Variants in USP14 observed in about 807,000 individuals in gnomAD.
USP14 encodes ubiquitin carboxyl-terminal hydrolase 14.
In USP14, 38 loss-of-function variants were observed where a neutral mutation model predicts 76.5. The ratio of observed to expected loss-of-function variants is 0.50; its 90% confidence interval spans 0.38 to 0.65. The LOEUF (loss-of-function observed/expected upper bound fraction) is 0.65, where lower values mean the gene tolerates loss of function less well. Among genes scored for constraint, USP14 ranks in the 30% least tolerant of loss-of-function variants. The pLI is 0.00. For synonymous variants in USP14, 192 were observed against 191.7 expected (o/e 1.00, Z -0.01); for missense variants, 467 against 586.5 (o/e 0.80, Z 2.10).
chr18:180,418 T>A, intron 5 of USP14, 79 bp downstream of exon 5: 1 of 814,352 alleles, frequency 1.2e-6, no homozygotes, highest in African/African-American at 1.8e-5. Context: ...TTCTTTAGCA[T>A]CTTAATTGAG....
At chr18:187,987 G>C (rs1448991164) in intron 5 of USP14, among the ~76,000 whole-genome samples, 1 of 151,972 alleles carries the variant, frequency 6.6e-6, no homozygotes, top group Non-Finnish European at 1.5e-5. Flanking sequence ...GGTTATTTTT[G>C]TCTGTTTCAG....
rs1910781972 is a variant in USP14 at position 214,319 on chromosome 18, C to G, written c.*3035C>G. 4.4e-6 allele frequency: 1 copy of G among 228,640 alleles called. No individual in the cohort carries two copies. The highest frequency in any genetic ancestry group is 8.5e-6 in the Non-Finnish European group (1 of 117,256). The allele number at this position is 228,640 out of a possible 1,614,324, so 14.2% of individuals were successfully genotyped here. The stretch of plus-strand genomic sequence containing the variant: ...CTACTAACAAACAACACACAGGAAA[C>G]TAATTTGGTATAAGAAACGACATAT... On this transcript the variant is annotated 3_prime_UTR_variant, in exon 16 of 16. Transcript: ENST00000261601.
At chr18:166,749 A>G in intron 2 of USP14, 38 bp from the exon 3 acceptor site, 4 of 1,600,864 alleles carry the variant, frequency 2.5e-6, no homozygotes, top group Non-Finnish European at 3.4e-6. Flanking sequence ...CAGCTTGTAC[A>G]GTGGTGGTTA....
chr18:166,662 T>A (rs1909280282), intron 2 of USP14, 125 bp from the exon 3 acceptor site: 2 of 1,210,852 alleles, frequency 1.7e-6, no homozygotes, highest in South Asian at 1.9e-5. Context: ...GCCATAATTT[T>A]AAATAAAATC....
chr18:186,183 T>C (rs1193100352), intron 5 of USP14, among the ~76,000 whole-genome samples: 3 of 152,226 alleles, frequency 2.0e-5, no homozygotes, highest in African/African-American at 7.2e-5. Context: ...TGCCCTGGGC[T>C]GGATGTGATG....
Position 212,686 on chromosome 18 carries a change from A to C in USP14, c.*1402A>C, listed in dbSNP as rs1277979178. On this transcript the variant is annotated 3_prime_UTR_variant, in exon 16 of 16. Coordinates refer to ENST00000261601, the MANE Select transcript of USP14 (RefSeq NM_005151.4). ...AAAGTGATAGTAGAAAATACCAAGC[A>C]TATGAGGTATTTCAATATGATAGGC... 1 of 152,196 alleles carries C rather than the reference A, an allele frequency of 6.6e-6. No homozygotes were observed. The highest frequency in any genetic ancestry group is 1.5e-5 in the Non-Finnish European group (1 of 68,026). 9.4% of individuals were successfully genotyped at this position (152,196 alleles called of 1,614,324 possible). A position where few individuals can be genotyped will look rare whatever the true frequency, so the allele number is the denominator to read the frequency against.
At chr18:188,262 T>C (rs1382277965) in intron 5 of USP14, among the ~76,000 whole-genome samples, 1 of 152,176 alleles carries the variant, frequency 6.6e-6, no homozygotes, top group Non-Finnish European at 1.5e-5. Flanking sequence ...TGGAGGTTTT[T>C]TAAAAATAAG....
chr18:165,375 C>T (rs1029357690), intron 2 of USP14, among the ~76,000 whole-genome samples: 3 of 152,172 alleles, frequency 2.0e-5, no homozygotes, highest in East Asian at 3.8e-4. Flanking sequence ...GTAAAACACA[C>T]GTTGGAGGAA....
In USP14 at chr18:176,312, G is replaced by A. The variant is rs537582069; in HGVS notation, c.196-2621G>A. Among the ~76,000 whole-genome samples the A allele has an allele frequency of 1.8e-4, 28 of 152,154 alleles. 1 individual carries two copies. In the South Asian group the frequency reaches 3.7e-3, roughly 20 times the overall value. ...TGAAGTGCTGAAACCCAGGCAAATG[G>A]TGGTGACTTTTTTGGTTTGTTTTAG... On this transcript the variant is annotated intron_variant, in intron 3 of 15. Transcript: ENST00000261601.
intron 3 of USP14, among the ~76,000 whole-genome samples, chr18:174,936 G>A (rs987903742): frequency 2.0e-5 from 3 of 151,798 alleles, no homozygotes; most frequent in South Asian, 2.1e-4. Context: ...CCACCACGCC[G>A]GACTAATTTT....
chr18:175,447 C>T (rs1368777294), intron 3 of USP14, among the ~76,000 whole-genome samples: 2 of 152,128 alleles, frequency 1.3e-5, no homozygotes, highest in African/African-American at 4.8e-5. Flanking sequence ...GGTTTTGTCA[C>T]GAATGGAAGT....
chr18:196,228 C>T (rs542819879), intron 6 of USP14, among the ~76,000 whole-genome samples: 79 of 151,780 alleles, frequency 5.2e-4, no homozygotes, highest in Non-Finnish European at 8.5e-4. Flanking sequence ...GGAGGCCCTT[C>T]TGTGTTCAAG....
chr18:198,805 G>T (rs1910311873), intron 9 of USP14, among the ~76,000 whole-genome samples: 1 of 151,944 alleles, frequency 6.6e-6, no homozygotes, highest in African/African-American at 2.4e-5. Context: ...TTTTATAAAA[G>T]GGTGTGTATC....
At chr18:177,422 TAAAAAAAA>T (rs550087165) in intron 3 of USP14, among the ~76,000 whole-genome samples, 1 of 108,660 alleles carries the variant, frequency 9.2e-6, no homozygotes, top group African/African-American at 3.4e-5. Flanking sequence ...TCCCTGTCTC[TAAAAAAAA>T]AAAAAAAAAA....
At chr18:202,461 C>G (rs962137506) in intron 10 of USP14, among the ~76,000 whole-genome samples, 2 of 152,144 alleles carry the variant, frequency 1.3e-5, no homozygotes, top group Non-Finnish European at 2.9e-5. Flanking sequence ...TTCATTGGTG[C>G]TGATTGGCTT....
At chr18:166,946 C>A (rs1909289592) in intron 3 of USP14, 127 bp downstream of exon 3, 2 of 779,376 alleles carry the variant, frequency 2.6e-6, no homozygotes, top group Middle Eastern at 2.5e-4. Flanking sequence ...AAAATACTTA[C>A]CTTTTCCCAT....
rs970389911 is a variant in USP14 at position 213,493 on chromosome 18, T to G, written c.*2209T>G. ...TTAGAATTCAGCCTTGCCTGTAAGGTCTTTGAGAAGGGAGAGGAGTAGGCC... is the reference window on the plus strand; with the variant it reads ...TTAGAATTCAGCCTTGCCTGTAAGGGCTTTGAGAAGGGAGAGGAGTAGGCC... On this transcript the variant is annotated 3_prime_UTR_variant, in exon 16 of 16. Coordinates refer to ENST00000261601, the MANE Select transcript of USP14 (RefSeq NM_005151.4). 4.6e-5 allele frequency: 7 copies of G among 152,408 alleles called. No homozygotes were observed. Among genetic ancestry groups the G allele is most frequent in the African/African-American group, 1.7e-4 (7 of 41,374 alleles). The allele number at this position is 152,408 out of a possible 1,614,324, so 9.4% of individuals were successfully genotyped here.
chr18:214,591 T>TATC lies in USP14; in HGVS notation c.*3309_*3311dup, dbSNP rs759421947. On this transcript the variant is annotated 3_prime_UTR_variant, in exon 16 of 16. Coordinates refer to ENST00000261601, the MANE Select transcript of USP14 (RefSeq NM_005151.4). ...TCAAATGCTGCTTGGTAACAAAATC[T>TATC]ATCACAGTTTTAATAAAAAGAAAAA... 4.5e-6 allele frequency: 7 copies of TATC among 1,544,662 alleles called. No homozygotes were observed. In the Admixed American group the frequency reaches 7.6e-5, roughly 17 times the overall value.
chr18:180,407 T>C, intron 5 of USP14, 68 bp downstream of exon 5: 1 of 930,184 alleles, frequency 1.1e-6, no homozygotes, highest in Non-Finnish European at 1.7e-6. Flanking sequence ...TTTGTTTTGC[T>C]TTCTTTAGCA....
Sources: allele counts gnomAD v4.1 joint callset (sites outside exome capture counted in the v4.1 genomes callset), GRCh38; gene constraint gnomAD v4.1.1; transcripts MANE v1.5; gene names NCBI Gene and HGNC (gene_info 2026-07-23, HGNC 2026-07-21).